Variants in FAT4 observed in about 807,000 individuals in gnomAD.
FAT4 encodes FAT atypical cadherin 4.
FAT4 carries 84 observed loss-of-function variants against 303.9 expected under a neutral mutation model. That is an observed-to-expected ratio of 0.28 (90% CI 0.23 to 0.33). The LOEUF (loss-of-function observed/expected upper bound fraction) is 0.33. Ranked by LOEUF, FAT4 falls within the 10% of genes least tolerant of loss-of-function variation. The pLI is 1.00. For missense variants in FAT4, 6,005 were observed against 6,146.8 expected (o/e 0.98, Z 0.77); for synonymous variants, 2,307 against 2,298.8 (o/e 1.00, Z -0.10).
At chr4:125,361,441 G>A (rs1354338559) in intron 2 of FAT4, among the ~76,000 whole-genome samples, 2 of 152,122 alleles carry the variant, frequency 1.3e-5, no homozygotes, top group African/African-American at 4.8e-5. Context: ...ATGCTCATGA[G>A]AGATTTGAGA....
chr4:125,439,429 T>C (rs1250231821), intron 8 of FAT4, among the ~76,000 whole-genome samples: 1 of 151,762 alleles, frequency 6.6e-6, no homozygotes, highest in Non-Finnish European at 1.5e-5. Flanking sequence ...GCCTTCCAGG[T>C]TCACGCCATT....
intron 2 of FAT4, among the ~76,000 whole-genome samples, chr4:125,322,992 A>G (rs186599272): frequency 3.3e-4 from 50 of 152,198 alleles, no homozygotes; most frequent in Admixed American, 2.5e-3. Context: ...GCCATGATTT[A>G]TATGTAATTG....
intron 2 of FAT4, among the ~76,000 whole-genome samples, chr4:125,322,042 G>A (rs1014742868): frequency 1.3e-5 from 2 of 152,058 alleles, no homozygotes; most frequent in African/African-American, 4.8e-5. Context: ...TGGAGGATGG[G>A]CTGACAGTGT....
intron 2 of FAT4, among the ~76,000 whole-genome samples, chr4:125,323,329 T>A (rs972451392): frequency 6.6e-6 from 1 of 152,212 alleles, no homozygotes; most frequent in East Asian, 1.9e-4. Flanking sequence ...AGCATGAAAG[T>A]ATTAAATAGT....
chr4:125,362,688 A>G (rs952658420), intron 2 of FAT4: 3 of 152,218 alleles, frequency 2.0e-5, no homozygotes, highest in African/African-American at 4.8e-5. Context: ...ATTGCACTAT[A>G]TATTCTTCTT....
Position 125,415,745 on chromosome 4 carries a change from T to C in FAT4, c.6782T>C (p.Leu2261Pro), listed in dbSNP as rs938758753. 9 of 1,613,966 alleles carry C rather than the reference T, an allele frequency of 5.6e-6. No homozygotes were observed. Among genetic ancestry groups the C allele is most frequent in the Non-Finnish European group, 5.9e-6 (7 of 1,179,886 alleles). ...DINDFVPVFE[L>P]SPYSVNVPEN... The stretch of plus-strand genomic sequence containing the variant: ...AATGACTTTGTTCCTGTATTTGAGC[T>C]ATCTCCATATTCTGTAAATGTCCCT... The change falls in exon 6 of 18, where the codon CTA (leucine) becomes CCA (proline). Residue 2261 changes from leucine to proline, a missense_variant. Physicochemically the swap from Leu to Pro is moderately conservative, Grantham distance 98. Coordinates refer to ENST00000394329, the MANE Select transcript of FAT4 (RefSeq NM_001291303.3).
rs1354121418 is a variant in FAT4 at position 125,468,506 on chromosome 4, CA to C, written c.11906-4del. The C allele has an allele frequency of 6.8e-7, 1 of 1,465,052 alleles. No individual in the cohort carries two copies. Among genetic ancestry groups the C allele is most frequent in the Non-Finnish European group, 9.1e-7 (1 of 1,097,086 alleles). 90.8% of individuals were successfully genotyped at this position (1,465,052 alleles called of 1,614,324 possible). A position where few individuals can be genotyped will look rare whatever the true frequency, so the allele number is the denominator to read the frequency against. On this transcript the variant is annotated splice_region_variant and splice_polypyrimidine_tract_variant and intron_variant, in intron 11 of 17. Coordinates refer to ENST00000394329, the MANE Select transcript of FAT4 (RefSeq NM_001291303.3). ...TATGCCAGTTTGTCAATTTTCCCTC[CA>C]ACAGGTGTCTTTGGAAAACACTGCG...
At chr4:125,460,070 TA>T (rs1184344791) in intron 10 of FAT4, among the ~76,000 whole-genome samples, 6 of 152,034 alleles carry the variant, frequency 3.9e-5, no homozygotes, top group Non-Finnish European at 8.8e-5. Flanking sequence ...AATTTAAATT[TA>T]AATCTGTTTT....
At chr4:125,444,209 A>G (rs927876845) in intron 8 of FAT4, among the ~76,000 whole-genome samples, 1 of 152,142 alleles carries the variant, frequency 6.6e-6, no homozygotes, top group African/African-American at 2.4e-5. Flanking sequence ...AAAGAATAGA[A>G]GTGTATTTGG....
At chr4:125,431,330 T>C (rs1191427716) in intron 7 of FAT4, among the ~76,000 whole-genome samples, 1 of 152,202 alleles carries the variant, frequency 6.6e-6, no homozygotes, top group African/African-American at 2.4e-5. Context: ...TACTATGTCT[T>C]CCATAAAGCT....
intron 2 of FAT4, among the ~76,000 whole-genome samples, chr4:125,329,257 G>A (rs971609024): frequency 1.3e-5 from 2 of 151,964 alleles, no homozygotes; most frequent in Admixed American, 1.3e-4. Flanking sequence ...CATCAGACTT[G>A]GCCCCTGCCA....
At chr4:125,364,827 C>T (rs886189594) in intron 2 of FAT4, among the ~76,000 whole-genome samples, 1 of 152,010 alleles carries the variant, frequency 6.6e-6, no homozygotes, top group African/African-American at 2.4e-5. Context: ...TGGTAGTTCT[C>T]ATACCAAAAT....
chr4:125,364,556 G>A (rs1324434329), intron 2 of FAT4, among the ~76,000 whole-genome samples: 1 of 152,002 alleles, frequency 6.6e-6, no homozygotes, highest in Admixed American at 6.6e-5. Context: ...AAGGAGTCTC[G>A]GTGGAAGTGA....
chr4:125,371,592 T>C (rs964696207), intron 2 of FAT4, among the ~76,000 whole-genome samples: 3 of 151,874 alleles, frequency 2.0e-5, no homozygotes, highest in Non-Finnish European at 2.9e-5. Context: ...GTGGAGAAGA[T>C]GCTAGTAATT....
Position 125,452,575 on chromosome 4 carries a change from A to T in FAT4, c.11565A>T (p.Gly3855=), listed in dbSNP as rs1447909997. The T allele has an allele frequency of 6.2e-7, 1 of 1,614,038 alleles. No homozygotes were observed. Among genetic ancestry groups the T allele is most frequent in the Admixed American group, 1.7e-5 (1 of 59,998 alleles). ...CTTTCTTATGCAAGTGTCTGCCAGG[A>T]TATGCGGGTAGCTGGTGTGAAATAG... ...LQPFLCKCLP[G]YAGSWCEIDI... The change falls in exon 10 of 18, where the codon GGA becomes GGT. Residue 3855 remains glycine, a synonymous_variant. Transcript: ENST00000394329.
At position 125,475,594 on chromosome 4, in the gene FAT4, A is replaced by C. The variant is rs60631746; in HGVS notation, c.12214-577A>C. Among the ~76,000 whole-genome samples, 735 of 152,248 alleles carry C rather than the reference A, an allele frequency of 4.8e-3. 7 individuals are homozygous for C. Among genetic ancestry groups the C allele is most frequent in the African/African-American group, 0.017 (697 of 41,570 alleles). On this transcript the variant is annotated intron_variant, in intron 12 of 17. Coordinates refer to ENST00000394329, the MANE Select transcript of FAT4 (RefSeq NM_001291303.3). ...AGAAATATGCTGTAATGTTATTTAT[A>C]AATAATTATTCTTAACAAAAATGAG...
At chr4:125,446,099 A>G (rs1333740945) in intron 8 of FAT4, 194 bp from the exon 9 acceptor site, 3 of 497,344 alleles carry the variant, frequency 6.0e-6, no homozygotes, top group African/African-American at 1.9e-5. Context: ...TCTCACGATA[A>G]AGACTGTCAA....
chr4:125,393,108 C>T (rs967545381), intron 2 of FAT4, among the ~76,000 whole-genome samples: 8 of 149,006 alleles, frequency 5.4e-5, no homozygotes, highest in Non-Finnish European at 8.8e-5. Flanking sequence ...ACAAATCCTA[C>T]GGTCTCCCAA....
At chr4:125,399,320 T>G (rs1734296707) in intron 3 of FAT4, among the ~76,000 whole-genome samples, 3 of 152,198 alleles carry the variant, frequency 2.0e-5, no homozygotes, top group African/African-American at 7.2e-5. Flanking sequence ...ATTTTAAGGT[T>G]TAGATTACTA....
Sources: gnomAD v4.1 joint callset for allele counts (sites outside exome capture counted in the v4.1 genomes callset) on GRCh38, gnomAD v4.1.1 for gene constraint, MANE v1.5 for transcripts, NCBI Gene and HGNC (gene_info 2026-07-23, HGNC 2026-07-21) for gene names.